The following AVL9 variants were observed in gnomAD, a reference collection of about 807,000 sequenced individuals.
AVL9 encodes the protein late secretory pathway protein AVL9 homolog.
Under a neutral mutation model 79.2 loss-of-function variants are expected in AVL9, and 49 were observed. The ratio of observed to expected loss-of-function variants is 0.62; its 90% CI spans 0.49 to 0.79. The LOEUF is 0.79. Among genes scored for constraint, AVL9 ranks in the 30% least tolerant of loss-of-function variants. The pLI is 0.00. For synonymous variants in AVL9, 299 were observed against 280.6 expected, an observed-to-expected ratio of 1.07 and a Z score of -0.65; for missense variants, 682 against 776.8, an observed-to-expected ratio of 0.88 and a Z score of 1.45.
Position 32,570,135 on chromosome 7 carries a change from T to A in AVL9, c.1331T>A (p.Leu444His). Residue 444 changes from leucine to histidine, a missense_variant, in exon 11 of 16, where the codon CTC becomes CAC. Physicochemically the swap from Leu to His is moderately conservative, Grantham distance 99 (BLOSUM62 -3). Coordinates refer to ENST00000318709, the MANE Select transcript of AVL9 (RefSeq NM_015060.3). Reference sequence around the variant, plus strand: ...ATCCTTTTTCGACAACAGAAACACCTCAGTGATGCCATTGTGGAAGTACGT... The same window carrying A: ...ATCCTTTTTCGACAACAGAAACACCACAGTGATGCCATTGTGGAAGTACGT... ...TNILFRQQKH[L>H]SDAIVEVEEA... is the part of the protein sequence containing the mutation. 6.2e-7 allele frequency: 1 copy of A among 1,614,202 alleles called. No homozygotes were observed. The highest frequency in any genetic ancestry group is 8.5e-7 in the Non-Finnish European group (1 of 1,180,026).
rs1359308337 is a variant in AVL9, at chr7:32,588,561, T to C, written c.*4654T>C. 6.6e-6 allele frequency: 1 copy of C among 152,234 alleles called. No homozygotes were observed. Among genetic ancestry groups the C allele is most frequent in the African/African-American group, 2.4e-5 (1 of 41,466 alleles). 9.4% of individuals were successfully genotyped at this position (152,234 alleles called of 1,614,324 possible). A position where few individuals can be genotyped will look rare whatever the true frequency, so the allele number is the denominator to read the frequency against. The stretch of plus-strand genomic sequence containing the variant: ...AGAAAGGTAGTTCTCTTTGCTCTGG[T>C]AGTTTTAAAGTTTGTACTAGTTCTT... On this transcript the variant is annotated 3_prime_UTR_variant, in exon 16 of 16. Transcript: ENST00000318709.
chr7:32,515,024 G>A (rs1787848873), intron 1 of AVL9, among the ~76,000 whole-genome samples: 1 of 152,172 alleles, frequency 6.6e-6, no homozygotes, highest in Admixed American at 6.5e-5. Flanking sequence ...TCTTAGTGCA[G>A]ATCAAAATGG....
chr7:32,542,566 GAAAA>G (rs972379408), intron 1 of AVL9, among the ~76,000 whole-genome samples: 20 of 151,694 alleles, frequency 1.3e-4, no homozygotes, highest in Admixed American at 2.0e-4. Flanking sequence ...AAAGAAAAAA[GAAAA>G]AAAGAAGAAA....
Position 32,579,390 on chromosome 7 carries a change from T to TATATATGTTATATATTATATATA in AVL9, c.1689-825_1689-824insATGTTATATATTATATATAATAT, listed in dbSNP as rs1491203414. 4.9e-3 allele frequency among the ~76,000 whole-genome samples: 10 copies of TATATATGTTATATATTATATATA among 2,040 alleles called. 3 individuals are homozygous for TATATATGTTATATATTATATATA. Among genetic ancestry groups the TATATATGTTATATATTATATATA allele is most frequent in the African/African-American group, 0.024 (9 of 374 alleles). 1.3% of individuals were successfully genotyped at this position (2,040 alleles called of 152,430 possible). A position where few individuals can be genotyped will look rare whatever the true frequency, so the allele number is the denominator to read the frequency against. On this transcript the variant is annotated intron_variant, in intron 13 of 15. Transcript: ENST00000318709. The stretch of plus-strand genomic sequence containing the variant: ...ATATAATATATGTTATATAACATAT[T>TATATATGTTATATATTATATATA]ATATGTTATATATTATATATAATAT...
chr7:32,513,790 T>G (rs1023370363), intron 1 of AVL9, among the ~76,000 whole-genome samples: 1 of 152,198 alleles, frequency 6.6e-6, no homozygotes, highest in Non-Finnish European at 1.5e-5. Flanking sequence ...TATTTATTGA[T>G]CACTATCTTT....
At chr7:32,500,853 T>C (rs989624677) in intron 1 of AVL9, among the ~76,000 whole-genome samples, 2 of 152,202 alleles carry the variant, frequency 1.3e-5, no homozygotes, top group African/African-American at 2.4e-5. Context: ...GCACCAGTTA[T>C]TAAATAGGGA....
At chr7:32,576,876 T>TA (rs1480515807) in intron 13 of AVL9, among the ~76,000 whole-genome samples, 1 of 152,180 alleles carries the variant, frequency 6.6e-6, no homozygotes, top group African/African-American at 2.4e-5. Flanking sequence ...CAAAACTTAA[T>TA]ACCTGCTGTA....
chr7:32,583,140 T>G (rs1791590613), intron 15 of AVL9, among the ~76,000 whole-genome samples: 1 of 152,222 alleles, frequency 6.6e-6, no homozygotes, highest in African/African-American at 2.4e-5. Context: ...TGGTTATTGA[T>G]TATCAAGTTG....
At chr7:32,563,113 C>T (rs1252573797) in intron 10 of AVL9, among the ~76,000 whole-genome samples, 3 of 152,150 alleles carry the variant, frequency 2.0e-5, no homozygotes, top group Non-Finnish European at 4.4e-5. Context: ...CTTACTGCAA[C>T]CTCCACGTCC....
chr7:32,574,179 A>G (rs1398459436), intron 12 of AVL9, among the ~76,000 whole-genome samples: 1 of 152,196 alleles, frequency 6.6e-6, no homozygotes, highest in Non-Finnish European at 1.5e-5. Context: ...TACCATTTTT[A>G]AATGTACAGT....
At chr7:32,579,327 TA>T (rs1791252641) in intron 13 of AVL9, among the ~76,000 whole-genome samples, 1 of 29,332 alleles carries the variant, frequency 3.4e-5, no homozygotes, top group Non-Finnish European at 7.0e-5. Context: ...ATATTTTATA[TA>T]ATATATATAA....
rs1786770200 is a variant in AVL9, at chr7:32,495,776, G to A, written c.67G>A (p.Gly23Arg). The A allele has an allele frequency of 1.6e-6, 2 of 1,259,928 alleles. No individual in the cohort carries two copies. Among genetic ancestry groups the A allele is most frequent in the Non-Finnish European group, 2.0e-6 (2 of 992,282 alleles). The allele number at this position is 1,259,928 out of a possible 1,614,324, so 78.0% of individuals were successfully genotyped here. Residue 23 changes from glycine to arginine, a missense_variant, in exon 1 of 16, where the codon GGA (glycine) becomes AGA (arginine). By Grantham distance (125) the Gly-to-Arg change is moderately radical. Transcript: ENST00000318709. Reference protein sequence around the residue: ...RGPVLHIVVVGFHHKKGCQVE... With the variant: ...RGPVLHIVVVRFHHKKGCQVE... ...GCCCGTACTGCACATCGTGGTGGTC[G>A]GATTTCACCACAAGAAGGGCTGCCA... is the stretch of plus-strand genomic sequence containing the variant.
chr7:32,568,838 G>A (rs1234138647), intron 10 of AVL9, among the ~76,000 whole-genome samples: 1 of 152,052 alleles, frequency 6.6e-6, no homozygotes, highest in Non-Finnish European at 1.5e-5. Flanking sequence ...GAGGAGCCTG[G>A]GTTGAGAAGC....
At chr7:32,523,552 A>G (rs1245883291) in intron 1 of AVL9, among the ~76,000 whole-genome samples, 5 of 111,556 alleles carry the variant, frequency 4.5e-5, no homozygotes, top group Admixed American at 4.1e-4. Context: ...ATCTCGCTCC[A>G]TCTCCCAGGC....
At chr7:32,524,717 AAGCTGC>A (rs1179206569) in intron 1 of AVL9, among the ~76,000 whole-genome samples, 12 of 152,174 alleles carry the variant, frequency 7.9e-5, no homozygotes, top group African/African-American at 2.9e-4. Flanking sequence ...TATGGGTTAG[AAGCTGC>A]AGTGCTAGTT....
In AVL9 at chr7:32,544,680, T is replaced by C. The variant is rs1423308764; in HGVS notation, c.215-14T>C. The C allele has an allele frequency of 6.3e-7, 1 of 1,589,334 alleles. No homozygotes were observed. Among genetic ancestry groups the C allele is most frequent in the Non-Finnish European group, 8.6e-7 (1 of 1,158,426 alleles). ...ATTCACCTCACTATTTACATTTTTC[T>C]ATGTATCTCTTAGATACTGTGTTTT... On this transcript the variant is annotated splice_polypyrimidine_tract_variant and intron_variant, in intron 2 of 15. Transcript: ENST00000318709.
At position 32,567,291 on chromosome 7, in the gene AVL9, G is replaced by C. The variant is rs546054910; in HGVS notation, c.1216-2729G>C. Among the ~76,000 whole-genome samples the C allele has an allele frequency of 2.2e-4, 34 of 152,196 alleles. 1 individual carries two copies. In the South Asian group the frequency reaches 6.4e-3, roughly 29 times the overall value. ...TAATTTTTGTATTATTGGTAGAAAT[G>C]GAGTTTCACCGTGTTGCTCAGGCTG... On this transcript the variant is annotated intron_variant, in intron 10 of 15. Transcript: ENST00000318709.
In AVL9 at chr7:32,546,315, C is replaced by T. The variant is rs563301059; in HGVS notation, c.300+1536C>T. ...CTGTGTGTCTCTTTTTCCCCTGACCCACTTAAATGTAAACCATGGGTGTAA... is the reference window on the plus strand; with the variant it reads ...CTGTGTGTCTCTTTTTCCCCTGACCTACTTAAATGTAAACCATGGGTGTAA... On this transcript the variant is annotated intron_variant, in intron 3 of 15. Transcript: ENST00000318709. Among the ~76,000 whole-genome samples the T allele has an allele frequency of 1.3e-4, 20 of 152,148 alleles. No individual in the cohort carries two copies. The East Asian group carries it at 3.5e-3, about 26-fold the overall frequency.
chr7:32,511,448 C>A (rs1338928205), intron 1 of AVL9, among the ~76,000 whole-genome samples: 1 of 151,986 alleles, frequency 6.6e-6, no homozygotes, highest in Non-Finnish European at 1.5e-5. Flanking sequence ...CCTGGAAATT[C>A]TGAACTGCCC....
Sources: allele counts gnomAD v4.1 joint callset (sites outside exome capture counted in the v4.1 genomes callset), GRCh38; gene constraint gnomAD v4.1.1; transcripts MANE v1.5; gene names NCBI Gene and HGNC (gene_info 2026-07-23, HGNC 2026-07-21).